CPXM2: variants seen among roughly 807,000 people sequenced by gnomAD.
CPXM2 encodes inactive carboxypeptidase-like protein X2.
Under a neutral mutation model 86.1 loss-of-function variants are expected in CPXM2, and 66 were observed. The observed-to-expected ratio is 0.77, with a 90% CI of 0.63 to 0.94. CPXM2 has a LOEUF of 0.94. Ranked by LOEUF, CPXM2 falls within the 40% of genes least tolerant of loss-of-function variation. The pLI is 0.00. For synonymous variants in CPXM2, 388 were observed against 400.2 expected (o/e 0.97, Z 0.36); for missense variants, 948 against 1,026.3 (o/e 0.92, Z 1.04).
chr10:123,910,581 G>A (rs552323411), intron 2 of CPXM2, among the ~76,000 whole-genome samples: 1 of 152,292 alleles, frequency 6.6e-6, no homozygotes, highest in South Asian at 2.1e-4. Flanking sequence ...CAAGCCCCAG[G>A]CTGGTGCAGA....
chr10:123,762,910 G>A (rs560033873), intron 10 of CPXM2, among the ~76,000 whole-genome samples: 1 of 152,196 alleles, frequency 6.6e-6, no homozygotes, highest in Non-Finnish European at 1.5e-5. Flanking sequence ...CTGAGTAAGG[G>A]ATGAAATGGA....
At chr10:123,892,443 C>G (rs1185273115), upstream of CPXM2, among the ~76,000 whole-genome samples, 23 of 152,198 alleles carry the variant, frequency 1.5e-4, no homozygotes. Flanking sequence ...AGAGCAGGCT[C>G]TTGCCCAGAG....
chr10:123,943,867 A>G (rs1301185798), upstream of CPXM2, among the ~76,000 whole-genome samples: 7 of 152,190 alleles, frequency 4.6e-5, no homozygotes, highest in Non-Finnish European at 7.4e-5. Context: ...CTGCTGCCCC[A>G]TGGAATAGAA....
At chr10:123,881,225 A>ACCCGCCCCTCCCCTCCCCTC (rs1945083484) in intron 1 of CPXM2, among the ~76,000 whole-genome samples, 1 of 52,958 alleles carries the variant, frequency 1.9e-5, no homozygotes. Flanking sequence ...CTCCTGGAGC[A>ACCCGCCCCTCCCCTCCCCTC]CCCTTCTCTT....
At chr10:123,756,128 G>A (rs1187676287) in intron 12 of CPXM2, among the ~76,000 whole-genome samples, 1 of 152,182 alleles carries the variant, frequency 6.6e-6, no homozygotes, top group African/African-American at 2.4e-5. Context: ...AAAGCCATGG[G>A]CTGAATGTGC....
At chr10:123,854,385 A>T (rs7095608) in intron 3 of CPXM2, among the ~76,000 whole-genome samples, 17,222 of 85,932 alleles carry the variant, frequency 0.2, 2,370 homozygotes, top group African/African-American at 0.43. Flanking sequence ...ATATATATAT[A>T]ATATATATAT....
intron 2 of CPXM2, among the ~76,000 whole-genome samples, chr10:123,920,497 G>A (rs190052139): frequency 8.9e-4 from 136 of 152,270 alleles, no homozygotes; most frequent in African/African-American, 3.2e-3. Flanking sequence ...CAGTGTTCTT[G>A]CAATTATGTC....
At chr10:123,784,098 G>A (rs1260041678) in intron 6 of CPXM2, among the ~76,000 whole-genome samples, 2 of 152,204 alleles carry the variant, frequency 1.3e-5, no homozygotes, top group Non-Finnish European at 2.9e-5. Flanking sequence ...CTTGCTTGGA[G>A]ATGGAGTTCT....
chr10:123,768,817 A>G, intron 8 of CPXM2, 95 bp from the exon 9 acceptor site: 1 of 1,096,986 alleles, frequency 9.1e-7, no homozygotes, highest in Non-Finnish European at 1.3e-6. Context: ...AGTCTTGAAT[A>G]ATATAAGCTT....
chr10:123,825,801 G>T (rs532846692), intron 4 of CPXM2, among the ~76,000 whole-genome samples: 1 of 152,122 alleles, frequency 6.6e-6, no homozygotes, highest in Admixed American at 6.5e-5. Flanking sequence ...CTGGTTCCCA[G>T]TTGCTTGGGT....
intron 4 of CPXM2, among the ~76,000 whole-genome samples, chr10:123,824,955 C>A (rs1274866300): frequency 1.3e-5 from 2 of 152,212 alleles, no homozygotes; most frequent in Non-Finnish European, 2.9e-5. Context: ...GAAACATGCA[C>A]CTGGAGGAAT....
intron 2 of CPXM2, among the ~76,000 whole-genome samples, chr10:123,936,070 C>G (rs139955309): frequency 1.7e-4 from 17 of 102,294 alleles, no homozygotes; most frequent in African/African-American, 2.3e-4. Context: ...ATCATCACCA[C>G]TATCTTTACC....
At chr10:123,898,525 C>A (rs903362459) in intron 2 of CPXM2, among the ~76,000 whole-genome samples, 2 of 152,096 alleles carry the variant, frequency 1.3e-5, no homozygotes, top group African/African-American at 4.8e-5. Context: ...GTAGTCTTAG[C>A]TACTTGGGAG....
chr10:123,901,279 T>C (rs1241138259), intron 2 of CPXM2, among the ~76,000 whole-genome samples: 1 of 152,176 alleles, frequency 6.6e-6, no homozygotes, highest in Non-Finnish European at 1.5e-5. Context: ...AGAGAGAGCT[T>C]TGGCATCGTT....
At chr10:123,910,522 C>A (rs1473452279) in intron 2 of CPXM2, among the ~76,000 whole-genome samples, 1 of 152,178 alleles carries the variant, frequency 6.6e-6, no homozygotes, top group African/African-American at 2.4e-5. Context: ...TCTTCACTTC[C>A]CGTCAGCAAG....
intron 2 of CPXM2, among the ~76,000 whole-genome samples, chr10:123,915,024 G>A (rs1418514344): frequency 6.6e-6 from 1 of 152,202 alleles, no homozygotes; most frequent in South Asian, 2.1e-4. Flanking sequence ...AGAGGTTTGA[G>A]ATTGGACCTG....
chr10:123,942,794 A>G (rs182309925), upstream of CPXM2, among the ~76,000 whole-genome samples: 1 of 152,354 alleles, frequency 6.6e-6, no homozygotes, highest in Admixed American at 6.5e-5. Flanking sequence ...CCTACGGACT[A>G]GTCCCAAATT....
intron 6 of CPXM2, among the ~76,000 whole-genome samples, chr10:123,796,876 G>C (rs552203390): frequency 3.3e-5 from 5 of 152,346 alleles, no homozygotes; most frequent in African/African-American, 1.2e-4. Context: ...TGCGTGGGTG[G>C]ACTGCGGGTG....
rs544189118 is a variant in CPXM2 at position 123,844,521 on chromosome 10, C to T, written c.514-2033G>A. On this transcript the variant is annotated intron_variant, in intron 3 of 13. Transcript: ENST00000241305. ...AAGATAAATGTGGGAATTATCAAAT[C>T]CAACACAAAGAGAAAACCTGATACT... Among the ~76,000 whole-genome samples, 4 of 152,118 alleles carry T rather than the reference C, an allele frequency of 2.6e-5. No individual in the cohort carries two copies. The South Asian group carries it at 8.3e-4, about 32-fold the overall frequency.
Sources: gnomAD v4.1 joint callset for allele counts (sites outside exome capture counted in the v4.1 genomes callset) on GRCh38, gnomAD v4.1.1 for gene constraint, MANE v1.5 for transcripts, NCBI Gene and HGNC (gene_info 2026-07-23, HGNC 2026-07-21) for gene names.